Variants in OR2L13 observed in about 807,000 individuals in gnomAD.
The protein encoded by OR2L13 is olfactory receptor 2L13.
Under a neutral mutation model 15.3 loss-of-function variants are expected in OR2L13, and 14 were observed. The observed-to-expected ratio is 0.91, with a 90% CI of 0.60 to 1.43. OR2L13 has a LOEUF of 1.43. OR2L13 is among the 40% of genes most tolerant of loss of function. OR2L13 has a pLI of 0.00. For missense variants in OR2L13, 367 were observed against 387.9 expected (o/e 0.95, Z 0.45); for synonymous variants, 152 against 142.9 (o/e 1.06, Z -0.45).
chr1:247,981,024 A>G, the OR2L13 span: 1 of 151,296 alleles, frequency 6.6e-6, no homozygotes, highest in Non-Finnish European at 1.5e-5. Context: ...TGTTTCAGAA[A>G]TAGAATTGAA....
the OR2L13 span, among the ~76,000 whole-genome samples, chr1:247,980,397 C>T: frequency 6.6e-6 from 1 of 152,088 alleles, no homozygotes; most frequent in Non-Finnish European, 1.5e-5. Flanking sequence ...CTAAAACTTA[C>T]TGCCAGTATA....
At chr1:247,940,260 G>A in the OR2L13 span, among the ~76,000 whole-genome samples, 1 of 151,974 alleles carries the variant, frequency 6.6e-6, no homozygotes, top group Non-Finnish European at 1.5e-5. Context: ...ATACATACAG[G>A]CTTATATTTT....
At chr1:248,003,723 T>C in the OR2L13 span, 1 of 1,613,722 alleles carries the variant, frequency 6.2e-7, no homozygotes, top group Non-Finnish European at 8.5e-7. Flanking sequence ...GAGGGCACAG[T>C]GCTTTTGAGT....
chr1:248,061,551 C>A, the OR2L13 span: 1 of 1,613,824 alleles, frequency 6.2e-7, no homozygotes, highest in Non-Finnish European at 8.5e-7. Flanking sequence ...TCATCTATAG[C>A]CTGAGGAACA....
exon 3 of OR2L13, chr1:248,099,684 C>T (rs1664809742): frequency 6.2e-7 from 1 of 1,614,064 alleles, no homozygotes; most frequent in Non-Finnish European, 8.5e-7. Flanking sequence ...GCTTCTTCTT[C>T]CTGACCATGG....
At chr1:248,058,582 G>T in the OR2L13 span, among the ~76,000 whole-genome samples, 1 of 151,858 alleles carries the variant, frequency 6.6e-6, no homozygotes, top group East Asian at 1.9e-4. Context: ...AAAAGCTTTA[G>T]AATTTGTCTT....
At chr1:248,072,706 T>G in the OR2L13 span, among the ~76,000 whole-genome samples, 1,908 of 151,732 alleles carry the variant, frequency 0.013, 48 homozygotes, top group African/African-American at 0.043. Context: ...CAAAATGGGA[T>G]AAAATTTTTG....
At chr1:247,990,609 G>A in the OR2L13 span, 1 of 1,549,832 alleles carries the variant, frequency 6.5e-7, no homozygotes, top group Non-Finnish European at 8.9e-7. Context: ...CGCTGCTCCT[G>A]ACATCAATGG....
At chr1:248,069,385 G>A in the OR2L13 span, among the ~76,000 whole-genome samples, 3 of 152,140 alleles carry the variant, frequency 2.0e-5, no homozygotes, top group East Asian at 3.8e-4. Flanking sequence ...AGCTTCATAA[G>A]TGAAGGAGAA....
At chr1:248,044,822 A>C in the OR2L13 span, among the ~76,000 whole-genome samples, 1 of 148,774 alleles carries the variant, frequency 6.7e-6, no homozygotes, top group South Asian at 2.1e-4. Flanking sequence ...AAAAAAAAAA[A>C]AAAAAAAAAA....
the OR2L13 span, among the ~76,000 whole-genome samples, chr1:247,962,664 C>A: frequency 6.6e-6 from 1 of 152,158 alleles, no homozygotes; most frequent in Non-Finnish European, 1.5e-5. Context: ...GCTAAAACAT[C>A]TTTTTGGCCT....
At chr1:247,975,485 C>A in the OR2L13 span, 52 of 872,772 alleles carry the variant, frequency 6.0e-5, no homozygotes, top group Non-Finnish European at 9.4e-5. Flanking sequence ...GCAATGTTTG[C>A]TTATACCTAT....
the OR2L13 span, chr1:248,042,342 C>T: frequency 1.8e-5 from 2 of 113,204 alleles, no homozygotes; most frequent in African/African-American, 7.3e-5. Flanking sequence ...ACATCACACT[C>T]TGGGGACTGT....
the OR2L13 span, chr1:248,038,483 C>T: frequency 1.2e-6 from 2 of 1,613,872 alleles, no homozygotes; most frequent in Non-Finnish European, 1.7e-6. Context: ...ACCTAAATTA[C>T]ATCTCCACCA....
the OR2L13 span, chr1:248,023,331 G>A: frequency 6.6e-6 from 1 of 152,312 alleles, no homozygotes; most frequent in African/African-American, 2.4e-5. Context: ...TTTTGCTAAA[G>A]TAATGATTTA....
At chr1:247,996,234 A>G in the OR2L13 span, among the ~76,000 whole-genome samples, 1 of 152,194 alleles carries the variant, frequency 6.6e-6, no homozygotes, top group East Asian at 1.9e-4. Context: ...GTCTCCCCAT[A>G]GGTGGAATGA....
the OR2L13 span, among the ~76,000 whole-genome samples, chr1:247,961,564 T>G: frequency 3.9e-4 from 59 of 152,302 alleles, 1 homozygote; most frequent in African/African-American, 1.3e-3. Context: ...CCGGTTCAGA[T>G]GGACCATGGA....
the OR2L13 span, among the ~76,000 whole-genome samples, chr1:247,946,125 AAATGAGAGTGC>A: frequency 1.3e-5 from 2 of 152,142 alleles, no homozygotes; most frequent in African/African-American, 4.8e-5. Flanking sequence ...ATTGTTAATA[AAATGAGAGTGC>A]AATTTTCAGA....
At chr1:248,071,845 A>T in the OR2L13 span, among the ~76,000 whole-genome samples, 2 of 150,900 alleles carry the variant, frequency 1.3e-5, no homozygotes, top group Admixed American at 1.3e-4. Context: ...AGACAAACAG[A>T]GAGCCAAATC....
Sources: allele counts gnomAD v4.1 joint callset (sites outside exome capture counted in the v4.1 genomes callset), GRCh38; gene constraint gnomAD v4.1.1; transcripts MANE v1.5; gene names NCBI Gene and HGNC (gene_info 2026-07-23, HGNC 2026-07-21).